The following MAN1C1 variants were observed in gnomAD, a reference collection of about 807,000 sequenced individuals.
MAN1C1 encodes mannosyl-oligosaccharide 1,2-alpha-mannosidase IC.
A neutral mutation model predicts 71.5 loss-of-function variants in MAN1C1; 49 were observed. That is an observed-to-expected ratio of 0.69 (90% CI 0.54 to 0.87). MAN1C1 has a LOEUF of 0.87. Ranked by LOEUF, MAN1C1 falls within the 40% of genes least tolerant of loss-of-function variation. MAN1C1 has a pLI of 0.00. For synonymous variants in MAN1C1, 352 were observed against 343.7 expected, an observed-to-expected ratio of 1.02 and a Z score of -0.27; for missense variants, 743 against 835.0, an observed-to-expected ratio of 0.89 and a Z score of 1.36.
At chr1:25,767,562 TCA>T (rs150825446) in intron 7 of MAN1C1, among the ~76,000 whole-genome samples, 3,481 of 82,050 alleles carry the variant, frequency 0.042, 233 homozygotes, top group African/African-American at 0.16. Context: ...CACACTCCCC[TCA>T]CACACACCCA....
chr1:25,738,489 C>T (rs575288025), intron 2 of MAN1C1, among the ~76,000 whole-genome samples: 1 of 152,270 alleles, frequency 6.6e-6, no homozygotes, highest in Non-Finnish European at 1.5e-5. Flanking sequence ...TACTCCAAAA[C>T]TTGGGGGCTT....
rs946496045 is a variant in MAN1C1, at chr1:25,730,788, C to G, written c.638-15880C>G. On this transcript the variant is annotated intron_variant, in intron 2 of 11. Transcript: ENST00000374332. The surrounding 1 kb of genome is among the most constrained non-coding windows in gnomAD (Gnocchi z 4.3). The stretch of plus-strand genomic sequence containing the variant: ...GGTTCTCCCTGTGTGGGCACTTCCT[C>G]CTCCTTTTCACTCTCCTGCCAGACT... Among the ~76,000 whole-genome samples the G allele has an allele frequency of 6.6e-6, 1 of 152,216 alleles. No homozygotes were observed. The highest frequency in any genetic ancestry group is 1.5e-5 in the Non-Finnish European group (1 of 68,046).
At chr1:25,701,158 C>T (rs575386048) in intron 2 of MAN1C1, among the ~76,000 whole-genome samples, 1 of 152,330 alleles carries the variant, frequency 6.6e-6, no homozygotes, top group Admixed American at 6.5e-5. Flanking sequence ...ATTGCCGGGA[C>T]CAGAGGAGTC....
At chr1:25,686,381 A>C (rs1418125912) in intron 1 of MAN1C1, 59 bp from the exon 2 acceptor site, 1 of 1,418,770 alleles carries the variant, frequency 7.0e-7, no homozygotes, top group Admixed American at 1.7e-5. Flanking sequence ...CCAGGCGGCC[A>C]GTGCGCACTG....
chr1:25,753,878 C>T lies in MAN1C1; in HGVS notation c.929+300C>T, dbSNP rs1264006602. Among the ~76,000 whole-genome samples the T allele has an allele frequency of 2.0e-5, 3 of 152,198 alleles. No homozygotes were observed. Among genetic ancestry groups the T allele is most frequent in the African/African-American group, 7.2e-5 (3 of 41,448 alleles). On this transcript the variant is annotated intron_variant, in intron 5 of 11. Transcript: ENST00000374332. The surrounding 1 kb of genome is among the most constrained non-coding windows in gnomAD (Gnocchi z 4.9). ...GGTGTCAGGGTTTAGTCCACATAAGCCTGAGCCTCCTGGGGTGGGCGGGGG... is the reference window on the plus strand; with the variant it reads ...GGTGTCAGGGTTTAGTCCACATAAGTCTGAGCCTCCTGGGGTGGGCGGGGG...
At chr1:25,656,095 C>CTTTTTTTTTTTTTTTTTTTTTTTTTT (rs59710145) in intron 1 of MAN1C1, among the ~76,000 whole-genome samples, 3 of 74,978 alleles carry the variant, frequency 4.0e-5, no homozygotes, top group African/African-American at 1.6e-4. Flanking sequence ...GATTATCAGT[C>CTTTTTTTTTTTTTTTTTTTTTTTTTT]TTTTTTTTTT....
Position 25,702,640 on chromosome 1 carries a change from G to A in MAN1C1, c.637+16104G>A, listed in dbSNP as rs1244798417. Reference sequence around the variant, plus strand: ...CCATTTTCTGGCTGTGTGACCTGGGGCAAGTGAATTCACCTTTCTGTGCCT... The same window carrying A: ...CCATTTTCTGGCTGTGTGACCTGGGACAAGTGAATTCACCTTTCTGTGCCT... On this transcript the variant is annotated intron_variant, in intron 2 of 11. Coordinates refer to ENST00000374332, the MANE Select transcript of MAN1C1 (RefSeq NM_020379.4). 7.9e-5 allele frequency among the ~76,000 whole-genome samples: 12 copies of A among 152,320 alleles called. No homozygotes were observed. The South Asian group carries it at 2.1e-3, about 26-fold the overall frequency.
chr1:25,706,157 A>G (rs947313429), intron 2 of MAN1C1, among the ~76,000 whole-genome samples: 2 of 152,150 alleles, frequency 1.3e-5, no homozygotes, highest in Non-Finnish European at 2.9e-5. Flanking sequence ...GCCTTGCTGC[A>G]TGGTATAAGG....
At chr1:25,716,354 A>G (rs1479899271) in intron 2 of MAN1C1, among the ~76,000 whole-genome samples, 1 of 152,124 alleles carries the variant, frequency 6.6e-6, no homozygotes, top group Non-Finnish European at 1.5e-5. Flanking sequence ...TCTTTTTGAG[A>G]CAGGGTCTCA....
chr1:25,728,146 A>C (rs2046858761), intron 2 of MAN1C1, among the ~76,000 whole-genome samples: 1 of 152,162 alleles, frequency 6.6e-6, no homozygotes, highest in Non-Finnish European at 1.5e-5. Flanking sequence ...GGCTGAACTA[A>C]AGCCTGGAGT....
At chr1:25,621,283 A>G (rs918750818) in intron 1 of MAN1C1, among the ~76,000 whole-genome samples, 1 of 152,190 alleles carries the variant, frequency 6.6e-6, no homozygotes, top group South Asian at 2.1e-4. Context: ...TCACTGCTGT[A>G]TCTCTGTCTA....
At position 25,775,319 on chromosome 1, in the gene MAN1C1, A is replaced by C. The variant is rs1183991949; in HGVS notation, c.1258-2786A>C. 6.6e-6 allele frequency among the ~76,000 whole-genome samples: 1 copy of C among 151,830 alleles called. No individual in the cohort carries two copies. The highest frequency in any genetic ancestry group is 1.5e-5 in the Non-Finnish European group (1 of 67,950). ...CGGCTGCTCTGCAGGTGTCCTCAGCACTCCCCCATGTGGAGCAGGTGCCCT... is the reference window on the plus strand; with the variant it reads ...CGGCTGCTCTGCAGGTGTCCTCAGCCCTCCCCCATGTGGAGCAGGTGCCCT... On this transcript the variant is annotated intron_variant, in intron 8 of 11. Transcript: ENST00000374332. This position sits in a 1 kb window ranked among gnomAD's most constrained non-coding sequence, Gnocchi z 5.1.
In MAN1C1 at chr1:25,746,306, AAAAC is replaced by A. The variant is rs149111344; in HGVS notation, c.638-350_638-347del. Among the ~76,000 whole-genome samples the A allele has an allele frequency of 9.2e-5, 14 of 152,312 alleles. No homozygotes were observed. Among genetic ancestry groups the A allele is most frequent in the East Asian group, 5.8e-4 (3 of 5,186 alleles). On this transcript the variant is annotated intron_variant, in intron 2 of 11. Coordinates refer to ENST00000374332, the MANE Select transcript of MAN1C1 (RefSeq NM_020379.4). This position sits in a 1 kb window ranked among gnomAD's most constrained non-coding sequence, Gnocchi z 4.0. Reference sequence around the variant, plus strand: ...GGTGACAGAGTAAGACCCTGTCTCAAAAACAAACAAACAAAGATTTTTATATGCC... The same window carrying A: ...GGTGACAGAGTAAGACCCTGTCTCAAAAACAAACAAAGATTTTTATATGCC...
chr1:25,692,728 G>A (rs564826294), intron 2 of MAN1C1, among the ~76,000 whole-genome samples: 2 of 152,292 alleles, frequency 1.3e-5, no homozygotes, highest in African/African-American at 2.4e-5. Context: ...AGAACACAGT[G>A]GGGTAGGGGA....
intron 1 of MAN1C1, among the ~76,000 whole-genome samples, chr1:25,629,778 T>G: frequency 6.6e-6 from 1 of 152,172 alleles, no homozygotes; most frequent in Non-Finnish European, 1.5e-5. Context: ...TTGTGGTTTT[T>G]AGACACTAGT....
At position 25,713,638 on chromosome 1, in the gene MAN1C1, G is replaced by A. The variant is rs114964590; in HGVS notation, c.637+27102G>A. Among the ~76,000 whole-genome samples, 1,483 of 152,218 alleles carry A rather than the reference G, an allele frequency of 9.7e-3. 27 individuals are homozygous for A. The highest frequency in any genetic ancestry group is 0.032 in the African/African-American group (1,318 of 41,520). The stretch of plus-strand genomic sequence containing the variant: ...ACATGGAGTTTATATAGGACTGTTG[G>A]GCCCTAAGCCTTCCTGATTCATATG... On this transcript the variant is annotated intron_variant, in intron 2 of 11. Coordinates refer to ENST00000374332, the MANE Select transcript of MAN1C1 (RefSeq NM_020379.4).
chr1:25,749,378 A>T, intron 4 of MAN1C1, 43 bp downstream of exon 4: 1 of 1,485,160 alleles, frequency 6.7e-7, no homozygotes. Flanking sequence ...CAGGCTGGAA[A>T]GGGCTTTGGA....
chr1:25,750,003 A>G (rs2047192461), intron 4 of MAN1C1, among the ~76,000 whole-genome samples: 1 of 152,190 alleles, frequency 6.6e-6, no homozygotes, highest in Non-Finnish European at 1.5e-5. Context: ...TGGGAAGTGC[A>G]CGCTACAGGA....
rs901140080 is a variant in MAN1C1, at chr1:25,618,276, G to T, written c.479G>T (p.Arg160Met). ...SRLRHPVLGT[R>M]ADESQEPQSQ... ...CTCCGCCACCCGGTCCTGGGAACGA[G>T]GGCCGATGAGAGTCAGGAGCCCCAG... is the stretch of plus-strand genomic sequence containing the variant. Residue 160 changes from arginine to methionine, a missense_variant, in exon 1 of 12, where the codon AGG becomes ATG. Transcript: ENST00000374332. 6.2e-7 allele frequency: 1 copy of T among 1,604,434 alleles called. No homozygotes were observed. The highest frequency in any genetic ancestry group is 8.5e-7 in the Non-Finnish European group (1 of 1,177,140).
Sources: gnomAD v4.1 joint callset for allele counts (sites outside exome capture counted in the v4.1 genomes callset) on GRCh38, gnomAD v4.1.1 for gene constraint, Gnocchi (gnomAD v3.1) non-coding constraint, MANE v1.5 for transcripts, NCBI Gene and HGNC (gene_info 2026-07-23, HGNC 2026-07-21) for gene names.